COL5A1: variants seen among roughly 807,000 people sequenced by gnomAD.
The protein encoded by COL5A1 is collagen type V alpha 1 chain, also known as collagen alpha-1(V) chain.
A neutral mutation model predicts 263.7 loss-of-function variants in COL5A1; 16 were observed. The observed-to-expected ratio is 0.06, with a 90% confidence interval of 0.04 to 0.09. The LOEUF is 0.09. COL5A1 is among the 10% of genes least tolerant of loss of function. The pLI, the probability that COL5A1 is intolerant of heterozygous loss-of-function variation, is 1.00. For synonymous variants in COL5A1, 1,012 were observed against 1,004.5 expected (o/e 1.01, Z -0.14); for missense variants, 2,036 against 2,540.5 (o/e 0.80, Z 4.27).
At chr9:134,719,022 A>G (rs1272062675) in intron 4 of COL5A1, among the ~76,000 whole-genome samples, 1 of 152,204 alleles carries the variant, frequency 6.6e-6, no homozygotes, top group Non-Finnish European at 1.5e-5. Flanking sequence ...CGCTGAGGAT[A>G]TCTGACATGT....
chr9:134,660,144 A>G (rs953305185), intron 1 of COL5A1, among the ~76,000 whole-genome samples: 1 of 152,232 alleles, frequency 6.6e-6, no homozygotes, highest in African/African-American at 2.4e-5. Context: ...GAAAAATGCA[A>G]ACTCTGAGAG....
intron 7 of COL5A1, among the ~76,000 whole-genome samples, chr9:134,730,789 T>G (rs561403763): frequency 6.6e-6 from 1 of 152,186 alleles, no homozygotes; most frequent in East Asian, 1.9e-4. Context: ...GGAAATTGGA[T>G]GAGGAGGGGG....
At chr9:134,787,297 G>A (rs55902336) in intron 31 of COL5A1, among the ~76,000 whole-genome samples, 12,227 of 152,242 alleles carry the variant, frequency 0.08, 737 homozygotes, top group African/African-American at 0.16. Context: ...ACAGTGACCC[G>A]GTTTCTGAAC....
At chr9:134,831,362 C>T (rs919427394) in intron 64 of COL5A1, among the ~76,000 whole-genome samples, 1 of 152,236 alleles carries the variant, frequency 6.6e-6, no homozygotes, top group African/African-American at 2.4e-5. Context: ...TGGAGGCTTC[C>T]CGTTTTGTGG....
intron 42 of COL5A1, among the ~76,000 whole-genome samples, chr9:134,808,667 T>C (rs530612065): frequency 6.6e-6 from 1 of 152,364 alleles, no homozygotes; most frequent in South Asian, 2.1e-4. Flanking sequence ...CATAGGCGTG[T>C]TCACATGTGT....
intron 1 of COL5A1, chr9:134,649,678 A>G (rs954053625): frequency 3.4e-5 from 13 of 382,294 alleles, no homozygotes; most frequent in African/African-American, 2.8e-4. Context: ...TGATCCCATT[A>G]CTGGGTATAT....
chr9:134,818,711 G>C lies in COL5A1; in HGVS notation c.4286G>C (p.Gly1429Ala). ...PGKTGPIGPQ[G>A]APGKPGPDGL... The stretch of plus-strand genomic sequence containing the variant: ...AAGACTGGCCCCATCGGCCCCCAGG[G>C]GGCCCCTGGGAAGCCCGGACCGGAT... The change falls in exon 55 of 66, where the codon GGG (glycine) becomes GCG (alanine). Residue 1429 changes from glycine (G) to alanine (A), a missense_variant. Physicochemically the swap from Gly to Ala is moderately conservative, Grantham distance 60. This residue lies in a region of COL5A1 where 1,078 missense variants were observed against 1,521.4 expected (regional missense o/e 0.71). Transcript: ENST00000371817. The surrounding 1 kb of genome is among the most constrained non-coding windows in gnomAD (Gnocchi z 6.0). 6.2e-7 allele frequency: 1 copy of C among 1,611,046 alleles called. No individual in the cohort carries two copies. The highest frequency in any genetic ancestry group is 8.5e-7 in the Non-Finnish European group (1 of 1,179,132).
At position 134,755,107 on chromosome 9, in the gene COL5A1, A is replaced by C. The variant is rs973980686; in HGVS notation, c.1827+781A>C. The stretch of plus-strand genomic sequence containing the variant: ...AAGCTGTGGTTAGTGGGTAGAAATG[A>C]CCCGATAAGCCGCAGTTTGGCAGGT... On this transcript the variant is annotated intron_variant, in intron 16 of 65. Coordinates refer to ENST00000371817, the MANE Select transcript of COL5A1 (RefSeq NM_000093.5). The surrounding 1 kb of genome is among the most constrained non-coding windows in gnomAD (Gnocchi z 4.1). Among the ~76,000 whole-genome samples, 1 of 152,016 alleles carries C rather than the reference A, an allele frequency of 6.6e-6. No homozygotes were observed. Among genetic ancestry groups the C allele is most frequent in the African/African-American group, 2.4e-5 (1 of 41,382 alleles).
chr9:134,663,834 A>G (rs1216270754), intron 1 of COL5A1, among the ~76,000 whole-genome samples: 3 of 152,186 alleles, frequency 2.0e-5, no homozygotes, highest in Non-Finnish European at 4.4e-5. Context: ...AGTGTCGCCT[A>G]TTGGATATTG....
Position 134,822,831 on chromosome 9 carries a change from C to T in COL5A1, c.4609-167C>T, listed in dbSNP as rs570609093. The T allele has an allele frequency of 8.6e-6, 7 of 810,742 alleles. No homozygotes were observed. The South Asian group carries it at 9.1e-5, about 11-fold the overall frequency. 50.2% of individuals were successfully genotyped at this position (810,742 alleles called of 1,614,324 possible). A position where few individuals can be genotyped will look rare whatever the true frequency, so the allele number is the denominator to read the frequency against. On this transcript the variant is annotated intron_variant, in intron 59 of 65. Transcript: ENST00000371817. Reference sequence around the variant, plus strand: ...CCACGAGGGGTGAGCACCAGCCAGGCCCCGACCCTCCTCCCACTCTAGCCG... The same window carrying T: ...CCACGAGGGGTGAGCACCAGCCAGGTCCCGACCCTCCTCCCACTCTAGCCG...
rs56307613 is a variant in COL5A1, at chr9:134,800,116, C to T, written c.2952+1655C>T. 7.4e-3 allele frequency among the ~76,000 whole-genome samples: 1,127 copies of T among 152,312 alleles called. 22 individuals carry two copies. Among genetic ancestry groups the T allele is most frequent in the African/African-American group, 0.025 (1,040 of 41,556 alleles). On this transcript the variant is annotated intron_variant, in intron 37 of 65. Coordinates refer to ENST00000371817, the MANE Select transcript of COL5A1 (RefSeq NM_000093.5). ...CTTTTTTAAAAATATGAAACACCAACGGTCATTATTTCTCCTAAATGTGAG... is the reference window on the plus strand; with the variant it reads ...CTTTTTTAAAAATATGAAACACCAATGGTCATTATTTCTCCTAAATGTGAG...
intron 52 of COL5A1, 35 bp from the exon 53 acceptor site, chr9:134,816,991 A>T (rs1317981955): frequency 6.2e-7 from 1 of 1,607,580 alleles, no homozygotes; most frequent in South Asian, 1.1e-5. Flanking sequence ...AACGGGCCCC[A>T]ATTCCTCACA....
chr9:134,649,746 C>T (rs535547593), intron 1 of COL5A1, among the ~76,000 whole-genome samples: 3 of 152,228 alleles, frequency 2.0e-5, no homozygotes, highest in East Asian at 1.9e-4. Context: ...ATGTTTATTG[C>T]GGCACTGTTC....
intron 19 of COL5A1, among the ~76,000 whole-genome samples, chr9:134,762,772 G>A (rs1288563133): frequency 6.6e-6 from 1 of 152,182 alleles, no homozygotes; most frequent in Admixed American, 6.5e-5. Context: ...ACATGGACGG[G>A]GCACCTGCTC....
intron 29 of COL5A1, among the ~76,000 whole-genome samples, chr9:134,784,678 G>C (rs887508317): frequency 2.0e-5 from 3 of 152,260 alleles, no homozygotes; most frequent in African/African-American, 4.8e-5. Flanking sequence ...TTTTAGCTAA[G>C]AGGCACTCAA....
chr9:134,794,946 G>A lies in COL5A1; in HGVS notation c.2701-136G>A. Reference sequence around the variant, plus strand: ...AAATCTCCTATTAAAACACGGAAAAGGTGGGTGGCGGGGAGGCCCAGGTTC... The same window carrying A: ...AAATCTCCTATTAAAACACGGAAAAAGTGGGTGGCGGGGAGGCCCAGGTTC... On this transcript the variant is annotated intron_variant, in intron 32 of 65. Coordinates refer to ENST00000371817, the MANE Select transcript of COL5A1 (RefSeq NM_000093.5). The surrounding 1 kb of genome is among the most constrained non-coding windows in gnomAD (Gnocchi z 4.3). 3 of 873,114 alleles carry A rather than the reference G, an allele frequency of 3.4e-6. No homozygotes were observed. The highest frequency in any genetic ancestry group is 5.6e-6 in the Non-Finnish European group (3 of 533,784). 54.1% of individuals were successfully genotyped at this position (873,114 alleles called of 1,614,324 possible).
At chr9:134,692,674 G>C (rs1833327689) in intron 2 of COL5A1, among the ~76,000 whole-genome samples, 1 of 152,192 alleles carries the variant, frequency 6.6e-6, no homozygotes, top group Non-Finnish European at 1.5e-5. Flanking sequence ...CCCAATTCTG[G>C]GGTGTGGGCA....
At chr9:134,806,349 T>C in intron 42 of COL5A1, 53 bp downstream of exon 42, 1 of 1,324,748 alleles carries the variant, frequency 7.5e-7, no homozygotes, top group Non-Finnish European at 1.1e-6. Flanking sequence ...GCTGGGGTCG[T>C]TCCGTGTCTG....
chr9:134,802,787 T>C, intron 38 of COL5A1, 101 bp from the exon 39 acceptor site: 1 of 909,924 alleles, frequency 1.1e-6, no homozygotes, highest in Non-Finnish European at 1.8e-6. Flanking sequence ...GCAGCAGACC[T>C]TTGCGTCCAT....
Sources: gnomAD v4.1 joint callset for allele counts (sites outside exome capture counted in the v4.1 genomes callset) on GRCh38, gnomAD v4.1.1 for gene constraint, gnomAD v4.1.1 regional missense constraint, Gnocchi (gnomAD v3.1) non-coding constraint, MANE v1.5 for transcripts, NCBI Gene and HGNC (gene_info 2026-07-23, HGNC 2026-07-21) for gene names.